The following SCAMP1 variants were observed in gnomAD, a reference collection of about 807,000 sequenced individuals.
SCAMP1 encodes secretory carrier-associated membrane protein 1.
In SCAMP1, 15 loss-of-function variants were observed where a neutral mutation model predicts 41.8. The observed-to-expected ratio is 0.36, with a 90% CI of 0.24 to 0.55. The LOEUF (loss-of-function observed/expected upper bound fraction) is 0.55. Among genes scored for constraint, SCAMP1 ranks in the 20% least tolerant of loss-of-function variants. The pLI is 0.86. For synonymous variants in SCAMP1, 135 were observed against 136.8 expected (o/e 0.99, Z 0.09); for missense variants, 341 against 412.6 (o/e 0.83, Z 1.50).
intron 6 of SCAMP1, among the ~76,000 whole-genome samples, chr5:78,423,034 A>G (rs928233452): frequency 1.3e-5 from 2 of 150,422 alleles, no homozygotes; most frequent in Admixed American, 6.6e-5. Context: ...ACACACACAC[A>G]CACACACACA....
intron 6 of SCAMP1, among the ~76,000 whole-genome samples, chr5:78,442,534 C>T (rs1752952212): frequency 6.6e-6 from 1 of 152,304 alleles, no homozygotes; most frequent in East Asian, 1.9e-4. Context: ...GCTGGGATTA[C>T]AGGTGTGAGC....
Position 78,453,174 on chromosome 5 carries a change from A to G in SCAMP1, c.734+3140A>G, listed in dbSNP as rs1471786444. On this transcript the variant is annotated intron_variant, in intron 7 of 8. Coordinates refer to ENST00000621999, the MANE Select transcript of SCAMP1 (RefSeq NM_004866.6). The stretch of plus-strand genomic sequence containing the variant: ...GATGGTAGTTTCTTTTGCTGTGCAG[A>G]AGCTCTTTAGTTTAATTAGATCCCA... Among the ~76,000 whole-genome samples, 10 of 151,142 alleles carry G rather than the reference A, an allele frequency of 6.6e-5. No homozygotes were observed. The South Asian group carries it at 1.9e-3, about 28-fold the overall frequency.
intron 2 of SCAMP1, among the ~76,000 whole-genome samples, chr5:78,409,424 C>CACAT (rs1752015212): frequency 1.2e-5 from 1 of 85,978 alleles, no homozygotes; most frequent in Non-Finnish European, 2.3e-5. Flanking sequence ...CATATAGATA[C>CACAT]ACACACACAC....
intron 1 of SCAMP1, among the ~76,000 whole-genome samples, chr5:78,372,311 A>G (rs1040256362): frequency 1.3e-5 from 2 of 152,174 alleles, no homozygotes; most frequent in Non-Finnish European, 2.9e-5. Context: ...GAGTTGGTAA[A>G]CTAGGTGTAA....
intron 8 of SCAMP1, among the ~76,000 whole-genome samples, chr5:78,460,757 C>CG (rs1339442901): frequency 6.5e-5 from 2 of 30,942 alleles, no homozygotes; most frequent in African/African-American, 4.2e-4. Flanking sequence ...TCCTTCCTTC[C>CG]TTCCTTCCTT....
chr5:78,366,335 A>T (rs1211211582), intron 1 of SCAMP1, among the ~76,000 whole-genome samples: 1 of 151,698 alleles, frequency 6.6e-6, no homozygotes, highest in African/African-American at 2.4e-5. Context: ...GTAGAGACGG[A>T]GTTTCACTAT....
chr5:78,429,938 C>T (rs1268122507), intron 6 of SCAMP1, among the ~76,000 whole-genome samples: 1 of 150,634 alleles, frequency 6.6e-6, no homozygotes, highest in Non-Finnish European at 1.5e-5. Context: ...TTTTCCCCAA[C>T]ACACATGCAT....
At chr5:78,449,407 A>T (rs1349757586) in intron 6 of SCAMP1, among the ~76,000 whole-genome samples, 1 of 152,170 alleles carries the variant, frequency 6.6e-6, no homozygotes, top group Non-Finnish European at 1.5e-5. Flanking sequence ...AAGACTACAT[A>T]ATATATGATC....
chr5:78,390,478 T>A (rs1751456993), intron 2 of SCAMP1, among the ~76,000 whole-genome samples: 1 of 152,102 alleles, frequency 6.6e-6, no homozygotes, highest in South Asian at 2.1e-4. Context: ...TTATAATGAA[T>A]TAGTGCTGTG....
chr5:78,436,706 G>C (rs540344995), intron 6 of SCAMP1, among the ~76,000 whole-genome samples: 7 of 152,300 alleles, frequency 4.6e-5, no homozygotes, highest in Admixed American at 2.0e-4. Context: ...GGCAATGCAG[G>C]CTCTTTTTTG....
intron 6 of SCAMP1, among the ~76,000 whole-genome samples, chr5:78,443,772 C>CCT (rs772563839): frequency 3.2e-4 from 48 of 149,136 alleles, no homozygotes; most frequent in Non-Finnish European, 7.4e-5. Flanking sequence ...GATCCTCCTG[C>CCT]CTCAGCCTCC....
intron 2 of SCAMP1, among the ~76,000 whole-genome samples, chr5:78,408,465 A>G (rs1751988339): frequency 1.3e-5 from 2 of 152,118 alleles, no homozygotes; most frequent in African/African-American, 2.4e-5. Context: ...TTGTTCCTCT[A>G]CTTTTGCCAA....
At chr5:78,426,133 T>C (rs1327966218) in intron 6 of SCAMP1, among the ~76,000 whole-genome samples, 1 of 152,206 alleles carries the variant, frequency 6.6e-6, no homozygotes, top group Non-Finnish European at 1.5e-5. Flanking sequence ...CTCATTTCTT[T>C]TTTATGGCTA....
intron 7 of SCAMP1, among the ~76,000 whole-genome samples, chr5:78,456,591 G>T (rs934461546): frequency 6.7e-6 from 1 of 150,206 alleles, no homozygotes; most frequent in East Asian, 2.0e-4. Flanking sequence ...AGGGTAACCC[G>T]ACCTTTCTCT....
chr5:78,470,386 T>G (rs1366962035), intron 8 of SCAMP1, among the ~76,000 whole-genome samples: 2 of 152,190 alleles, frequency 1.3e-5, no homozygotes, highest in Non-Finnish European at 2.9e-5. Context: ...GAATTGCCTA[T>G]TTTAGATATT....
chr5:78,393,816 A>G (rs1228538690), intron 2 of SCAMP1, among the ~76,000 whole-genome samples: 1 of 138,232 alleles, frequency 7.2e-6, no homozygotes, highest in Non-Finnish European at 1.6e-5. Flanking sequence ...TTTCTTTTCA[A>G]TTAAGTAACA....
intron 1 of SCAMP1, among the ~76,000 whole-genome samples, chr5:78,375,313 C>G (rs1034381320): frequency 1.1e-4 from 16 of 152,046 alleles, no homozygotes; most frequent in African/African-American, 3.4e-4. Context: ...ACAACTTGGT[C>G]TTTGGATTTA....
At chr5:78,396,488 G>C (rs915786804) in intron 2 of SCAMP1, among the ~76,000 whole-genome samples, 1 of 152,168 alleles carries the variant, frequency 6.6e-6, no homozygotes, top group Non-Finnish European at 1.5e-5. Context: ...TTGACATGTT[G>C]GATTTGCAAT....
rs541980108 is a variant in SCAMP1, at chr5:78,461,043, A to G, written c.852+1681A>G. On this transcript the variant is annotated intron_variant, in intron 8 of 8. Coordinates refer to ENST00000621999, the MANE Select transcript of SCAMP1 (RefSeq NM_004866.6). ...GCTAATTTTTATATGTTTAGTAGAG[A>G]TGGAGTTTGACCATGTTGGCCAGCC... Among the ~76,000 whole-genome samples the G allele has an allele frequency of 5.3e-5, 8 of 152,074 alleles. No homozygotes were observed. The East Asian group carries it at 1.2e-3, about 22-fold the overall frequency.
Sources: allele counts gnomAD v4.1 joint callset (sites outside exome capture counted in the v4.1 genomes callset), GRCh38; gene constraint gnomAD v4.1.1; transcripts MANE v1.5; gene names NCBI Gene and HGNC (gene_info 2026-07-23, HGNC 2026-07-21).